Variants in CHRM3 observed in about 807,000 individuals in gnomAD.
The protein encoded by CHRM3 is muscarinic acetylcholine receptor M3.
Under a neutral mutation model 41.8 loss-of-function variants are expected in CHRM3, and 11 were observed. The ratio of observed to expected loss-of-function variants is 0.26; its 90% confidence interval spans 0.17 to 0.44. The LOEUF (loss-of-function observed/expected upper bound fraction) is 0.44, where lower values mean the gene tolerates loss of function less well. Among genes scored for constraint, CHRM3 ranks in the 20% least tolerant of loss-of-function variants. CHRM3 has a pLI of 1.00. For missense variants in CHRM3, 571 were observed against 745.4 expected (o/e 0.77, Z 2.72); for synonymous variants, 297 against 301.4 (o/e 0.99, Z 0.15).
intron 6 of CHRM3, among the ~76,000 whole-genome samples, chr1:239,895,763 G>A (rs12076067): frequency 0.097 from 14,692 of 152,166 alleles, 2,243 homozygotes; most frequent in African/African-American, 0.32. Context: ...TGGGAGCTGA[G>A]CATTGAGTAC....
chr1:239,468,237 T>A (rs1413962828), intron 1 of CHRM3, among the ~76,000 whole-genome samples: 1 of 152,166 alleles, frequency 6.6e-6, no homozygotes, highest in Non-Finnish European at 1.5e-5. Flanking sequence ...ATTTTTTAAA[T>A]TGATAATAGA....
chr1:239,388,507 A>G (rs1658734659), intron 1 of CHRM3, among the ~76,000 whole-genome samples: 2 of 152,248 alleles, frequency 1.3e-5, no homozygotes, highest in African/African-American at 4.8e-5. Context: ...GTTATATCGC[A>G]TGAACCATTC....
At chr1:239,408,575 G>A (rs1429395904) in intron 1 of CHRM3, among the ~76,000 whole-genome samples, 1 of 151,412 alleles carries the variant, frequency 6.6e-6, no homozygotes, top group Admixed American at 6.6e-5. Context: ...CCAGTCTTGG[G>A]TATGTCCTTA....
intron 5 of CHRM3, among the ~76,000 whole-genome samples, chr1:239,690,003 C>T (rs543229408): frequency 5.9e-5 from 9 of 151,942 alleles, no homozygotes; most frequent in African/African-American, 2.2e-4. Flanking sequence ...CTTAAAGGAT[C>T]ACTTGACACT....
chr1:239,866,234 G>A (rs900046031), intron 6 of CHRM3, among the ~76,000 whole-genome samples: 4 of 151,962 alleles, frequency 2.6e-5, no homozygotes, highest in African/African-American at 7.3e-5. Flanking sequence ...AAAATTAGCC[G>A]GGCGTGGTGG....
chr1:239,651,671 C>T (rs766997485), intron 4 of CHRM3, among the ~76,000 whole-genome samples: 1 of 152,128 alleles, frequency 6.6e-6, no homozygotes, highest in Non-Finnish European at 1.5e-5. Context: ...GTCTAAGGAT[C>T]AGCAGCAGCA....
At chr1:239,849,601 T>A (rs1200345580) in intron 6 of CHRM3, among the ~76,000 whole-genome samples, 1 of 152,220 alleles carries the variant, frequency 6.6e-6, no homozygotes, top group Admixed American at 6.5e-5. Flanking sequence ...TCAAATATTT[T>A]GACACTTTTC....
chr1:239,396,598 A>G (rs2102948515), intron 1 of CHRM3, among the ~76,000 whole-genome samples: 1 of 152,278 alleles, frequency 6.6e-6, no homozygotes, highest in African/African-American at 2.4e-5. Context: ...TGGGCAACAG[A>G]ACAAGATCCA....
At chr1:239,479,954 A>G (rs895543631) in intron 1 of CHRM3, among the ~76,000 whole-genome samples, 1 of 152,184 alleles carries the variant, frequency 6.6e-6, no homozygotes, top group Non-Finnish European at 1.5e-5. Flanking sequence ...TTAAAAATAA[A>G]GTAATTGTGC....
intron 5 of CHRM3, among the ~76,000 whole-genome samples, chr1:239,811,695 G>T (rs191067773): frequency 6.6e-6 from 1 of 152,124 alleles, no homozygotes; most frequent in Non-Finnish European, 1.5e-5. Context: ...AAGATACACC[G>T]GAATGGGACC....
rs572302185 is a variant in CHRM3, at chr1:239,911,467, A to G, written c.*2243A>G. On this transcript the variant is annotated 3_prime_UTR_variant, in exon 7 of 7. Coordinates refer to ENST00000676153, the MANE Select transcript of CHRM3 (RefSeq NM_001375978.1). ...TAATAAATATGTGAAAGCTTATTCA[A>G]GTGTCCCAGTACTTCAGCACTTCCC... The G allele has an allele frequency of 6.0e-6, 1 of 167,122 alleles. No homozygotes were observed. Among genetic ancestry groups the G allele is most frequent in the African/African-American group, 2.4e-5 (1 of 41,538 alleles). 10.4% of individuals were successfully genotyped at this position (167,122 alleles called of 1,614,324 possible). A position where few individuals can be genotyped will look rare whatever the true frequency, so the allele number is the denominator to read the frequency against.
chr1:239,643,178 G>T (rs1274290237), intron 4 of CHRM3, among the ~76,000 whole-genome samples: 1 of 152,148 alleles, frequency 6.6e-6, no homozygotes, highest in Admixed American at 6.5e-5. Context: ...TGCCCCTACT[G>T]GGGGGTGCCT....
rs531320268 is a variant in CHRM3 at position 239,911,592 on chromosome 1, C to G, written c.*2368C>G. On this transcript the variant is annotated 3_prime_UTR_variant, in exon 7 of 7. Transcript: ENST00000676153. ...AATTAAATTTGAGAAAAGGAGAAAC[C>G]CTGAAATTTAACAGAACTTTGAGAG... The G allele has an allele frequency of 9.0e-5, 15 of 166,190 alleles. No individual in the cohort carries two copies. The highest frequency in any genetic ancestry group is 3.4e-3 in the Middle Eastern group (1 of 290). The allele number at this position is 166,190 out of a possible 1,614,324, so 10.3% of individuals were successfully genotyped here.
intron 1 of CHRM3, among the ~76,000 whole-genome samples, chr1:239,412,629 G>A (rs545357957): frequency 1.5e-4 from 23 of 151,878 alleles, no homozygotes; most frequent in Admixed American, 3.3e-4. Context: ...TCCCAAAACA[G>A]TCTCACTGCT....
At chr1:239,723,228 A>G (rs1169427676) in intron 5 of CHRM3, among the ~76,000 whole-genome samples, 1 of 151,970 alleles carries the variant, frequency 6.6e-6, no homozygotes, top group East Asian at 1.9e-4. Flanking sequence ...AATACATGAA[A>G]CAATTCTGTT....
At chr1:239,517,680 T>A (rs1669362771) in intron 2 of CHRM3, among the ~76,000 whole-genome samples, 1 of 152,208 alleles carries the variant, frequency 6.6e-6, no homozygotes, top group African/African-American at 2.4e-5. Context: ...GAAATCTGAA[T>A]CCTTTCCCCA....
At chr1:239,744,102 G>T (rs1572158430) in intron 5 of CHRM3, among the ~76,000 whole-genome samples, 1 of 151,462 alleles carries the variant, frequency 6.6e-6, no homozygotes, top group Non-Finnish European at 1.5e-5. Flanking sequence ...GAGCCACTGT[G>T]TCCAGCCAGT....
At chr1:239,704,729 A>C (rs1660986840) in intron 5 of CHRM3, 1 of 152,216 alleles carries the variant, frequency 6.6e-6, no homozygotes. Context: ...ACAGCAATGC[A>C]AGGAAAGATA....
intron 5 of CHRM3, among the ~76,000 whole-genome samples, chr1:239,792,505 T>G (rs746305117): frequency 6.6e-6 from 1 of 152,206 alleles, no homozygotes; most frequent in Admixed American, 6.5e-5. Context: ...AAACAAACCC[T>G]GAGCAACTTT....
Sources: allele counts gnomAD v4.1 joint callset (sites outside exome capture counted in the v4.1 genomes callset), GRCh38; gene constraint gnomAD v4.1.1; transcripts MANE v1.5; gene names NCBI Gene and HGNC (gene_info 2026-07-23, HGNC 2026-07-21).